CDK5RAP2: variants seen among roughly 807,000 people sequenced by gnomAD.
CDK5RAP2 encodes CDK5 regulatory subunit-associated protein 2.
Under a neutral mutation model 232.9 loss-of-function variants are expected in CDK5RAP2, and 147 were observed. That is an observed-to-expected ratio of 0.63 (90% confidence interval 0.55 to 0.72). The LOEUF is 0.72. Among genes scored for constraint, CDK5RAP2 ranks in the 30% least tolerant of loss-of-function variants. The pLI is 0.00. For missense variants in CDK5RAP2, 2,195 were observed against 2,231.5 expected, an observed-to-expected ratio of 0.98 and a Z score of 0.33; for synonymous variants, 833 against 833.7, an observed-to-expected ratio of 1.00 and a Z score of 0.01.
chr9:120,545,843 G>A, intron 4 of CDK5RAP2, 53 bp from the exon 5 acceptor site: 1 of 1,401,802 alleles, frequency 7.1e-7, no homozygotes, highest in Non-Finnish European at 1.0e-6. Context: ...GAGGACCTAT[G>A]AATGTCAACA....
chr9:120,472,869 G>C (rs2037796315), intron 15 of CDK5RAP2, among the ~76,000 whole-genome samples: 1 of 152,190 alleles, frequency 6.6e-6, no homozygotes, highest in Admixed American at 6.5e-5. Flanking sequence ...TGTGTCTATT[G>C]AGCACTTGAA....
chr9:120,463,775 T>C (rs1430818539), intron 18 of CDK5RAP2, among the ~76,000 whole-genome samples: 1 of 152,266 alleles, frequency 6.6e-6, no homozygotes, highest in Non-Finnish European at 1.5e-5. Context: ...TTACCTCTGC[T>C]GACGTGGTCA....
chr9:120,427,675 T>C (rs2131411258), intron 25 of CDK5RAP2, among the ~76,000 whole-genome samples: 1 of 152,324 alleles, frequency 6.6e-6, no homozygotes, highest in Middle Eastern at 3.4e-3. Flanking sequence ...ATAGGCAGAA[T>C]TTCTCTAATT....
rs2041076605 is a variant in CDK5RAP2 at position 120,530,002 on chromosome 9, C to T, written c.801G>A (p.Arg267=). The change falls in exon 8 of 38, where the codon AGG becomes AGA. Residue 267 remains arginine, a synonymous_variant. Coordinates refer to ENST00000349780, the MANE Select transcript of CDK5RAP2 (RefSeq NM_018249.6). ...CCTCAGTTTCTCTCTCCTTTTCTTC[C>T]CTTGGAGCAGCACAAAGTCCTCGGA... ...GELRGLCAAP[R]EEKERETEAA... is the part of the protein sequence containing the mutation. 1 of 1,613,952 alleles carries T rather than the reference C, an allele frequency of 6.2e-7. No individual in the cohort carries two copies. The highest frequency in any genetic ancestry group is 1.3e-5 in the African/African-American group (1 of 75,024).
At chr9:120,396,595 G>A (rs771900846) in intron 35 of CDK5RAP2, among the ~76,000 whole-genome samples, 11 of 152,092 alleles carry the variant, frequency 7.2e-5, no homozygotes, top group African/African-American at 1.9e-4. Flanking sequence ...CCCCATCACC[G>A]CCCATGGCAC....
At position 120,530,065 on chromosome 9, in the gene CDK5RAP2, C is replaced by A; in HGVS notation, c.738G>T (p.Gln246His). 1 of 1,613,836 alleles carries A rather than the reference C, an allele frequency of 6.2e-7. No individual in the cohort carries two copies. Among genetic ancestry groups the A allele is most frequent in the African/African-American group, 1.3e-5 (1 of 75,024 alleles). The change falls in exon 8 of 38, where the codon CAG becomes CAT. Residue 246 changes from glutamine to histidine, a missense_variant. Coordinates refer to ENST00000349780, the MANE Select transcript of CDK5RAP2 (RefSeq NM_018249.6). The stretch of plus-strand genomic sequence containing the variant: ...ACACATTCTCATCAGGACATGCCAT[C>A]TGAGATTTCTCCTCTTTAAGGCACT... ...LIQCLKEEKS[Q>H]MACPDENVSS... is the part of the protein sequence containing the mutation.
At chr9:120,578,014 A>T (rs2043100149) in intron 1 of CDK5RAP2, among the ~76,000 whole-genome samples, 1 of 152,244 alleles carries the variant, frequency 6.6e-6, no homozygotes. Flanking sequence ...TCACGCCTGT[A>T]ATCCCAGAAC....
At chr9:120,505,263 G>A (rs1322447560) in intron 12 of CDK5RAP2, among the ~76,000 whole-genome samples, 1 of 152,002 alleles carries the variant, frequency 6.6e-6, no homozygotes, top group African/African-American at 2.4e-5. Context: ...ATCTGTTATG[G>A]TGATCAGTGA....
intron 14 of CDK5RAP2, among the ~76,000 whole-genome samples, chr9:120,484,195 G>A (rs1212173719): frequency 6.6e-6 from 1 of 152,190 alleles, no homozygotes; most frequent in African/African-American, 2.4e-5. Flanking sequence ...GAAATGGGCA[G>A]AGGATAAATT....
intron 20 of CDK5RAP2, among the ~76,000 whole-genome samples, chr9:120,457,849 G>C (rs936990979): frequency 6.6e-6 from 1 of 152,178 alleles, no homozygotes; most frequent in Admixed American, 6.5e-5. Context: ...GAGGCACTGA[G>C]AGATAAAACC....
intron 18 of CDK5RAP2, 132 bp downstream of exon 18, chr9:120,467,728 C>T: frequency 1.1e-6 from 1 of 904,060 alleles, no homozygotes. Flanking sequence ...TCACTGCAGC[C>T]TCAACGTCCT....
chr9:120,563,289 A>G (rs1373607205), intron 3 of CDK5RAP2, among the ~76,000 whole-genome samples: 2 of 152,184 alleles, frequency 1.3e-5, no homozygotes, highest in Non-Finnish European at 2.9e-5. Flanking sequence ...GTGTGGCTAG[A>G]GCAGTGTACG....
At chr9:120,564,445 G>A (rs13296575) in intron 3 of CDK5RAP2, among the ~76,000 whole-genome samples, 20,633 of 148,366 alleles carry the variant, frequency 0.14, 1,742 homozygotes, top group Middle Eastern at 0.21. Flanking sequence ...AGCCGAGATC[G>A]TGCCACTCCA....
At chr9:120,476,164 G>A (rs1173618847) in intron 15 of CDK5RAP2, among the ~76,000 whole-genome samples, 1 of 151,852 alleles carries the variant, frequency 6.6e-6, no homozygotes, top group African/African-American at 2.4e-5. Flanking sequence ...AGGGAGAAAT[G>A]AGGGGTGATT....
chr9:120,442,447 G>A (rs1283459878), intron 23 of CDK5RAP2, among the ~76,000 whole-genome samples: 16 of 152,188 alleles, frequency 1.1e-4, no homozygotes, highest in Non-Finnish European at 2.1e-4. Context: ...GATGTCACAC[G>A]CAGCACCCAG....
At chr9:120,511,339 C>T (rs1254903286) in intron 12 of CDK5RAP2, among the ~76,000 whole-genome samples, 1 of 152,172 alleles carries the variant, frequency 6.6e-6, no homozygotes, top group African/African-American at 2.4e-5. Flanking sequence ...ATCTGTAAAA[C>T]AGGGCTGCAG....
intron 21 of CDK5RAP2, among the ~76,000 whole-genome samples, chr9:120,452,362 T>C (rs1294341843): frequency 6.6e-6 from 1 of 152,134 alleles, no homozygotes; most frequent in Non-Finnish European, 1.5e-5. Flanking sequence ...TTGCTAATGA[T>C]ATATCTAACT....
chr9:120,442,767 G>A (rs924740765), intron 23 of CDK5RAP2, among the ~76,000 whole-genome samples: 5 of 152,152 alleles, frequency 3.3e-5, no homozygotes, highest in South Asian at 4.1e-4. Context: ...CCCAGAACAC[G>A]CAGAAGCATG....
At chr9:120,575,913 T>C (rs1183321237) in intron 1 of CDK5RAP2, among the ~76,000 whole-genome samples, 1 of 152,224 alleles carries the variant, frequency 6.6e-6, no homozygotes, top group African/African-American at 2.4e-5. Flanking sequence ...ACAGTACAAA[T>C]AGATATGCCT....
Sources: gnomAD v4.1 joint callset for allele counts (sites outside exome capture counted in the v4.1 genomes callset) on GRCh38, gnomAD v4.1.1 for gene constraint, MANE v1.5 for transcripts, NCBI Gene and HGNC (gene_info 2026-07-23, HGNC 2026-07-21) for gene names.